AIDA: variants seen among roughly 807,000 people sequenced by gnomAD.
AIDA encodes axin interactor, dorsalization associated.
A neutral mutation model predicts 42.7 loss-of-function variants in AIDA; 18 were observed. The observed-to-expected ratio is 0.42, with a 90% confidence interval of 0.29 to 0.63. The LOEUF (loss-of-function observed/expected upper bound fraction) is 0.63. AIDA is among the 20% of genes least tolerant of loss of function. The probability of loss-of-function intolerance (pLI) is 0.19; values close to 1 mark genes in which losing one functional copy is unlikely to be tolerated. For synonymous variants in AIDA, 104 were observed against 122.9 expected (o/e 0.85, Z 1.02); for missense variants, 250 against 354.1 (o/e 0.71, Z 2.36).
Position 222,668,477 on chromosome 1 carries a change from GAATT to G in AIDA, c.*1412_*1415del, listed in dbSNP as rs1418191000. On this transcript the variant is annotated 3_prime_UTR_variant, in exon 10 of 10. Transcript: ENST00000340020. ...GAGAGACAAGACTAAATTTGGCTGAGAATTCATTCAGGCTCGCATAGTTTTTATT... is the reference window on the plus strand; with the variant it reads ...GAGAGACAAGACTAAATTTGGCTGAGCATTCAGGCTCGCATAGTTTTTATT... 1 of 62,872 alleles carries G rather than the reference GAATT, an allele frequency of 1.6e-5. No homozygotes were observed. 3.9% of individuals were successfully genotyped at this position (62,872 alleles called of 1,614,324 possible). A position where few individuals can be genotyped will look rare whatever the true frequency, so the allele number is the denominator to read the frequency against.
At chr1:222,702,753 G>A (rs1390339003) in intron 2 of AIDA, among the ~76,000 whole-genome samples, 2 of 152,226 alleles carry the variant, frequency 1.3e-5, no homozygotes, top group African/African-American at 4.8e-5. Context: ...AATCAAGTAA[G>A]TGCTGGGGTG....
intron 2 of AIDA, among the ~76,000 whole-genome samples, chr1:222,699,617 C>T (rs940210807): frequency 6.6e-6 from 1 of 152,018 alleles, no homozygotes; most frequent in Admixed American, 6.6e-5. Context: ...ACCAATGTTC[C>T]CCAGAATACA....
chr1:222,680,908 G>A (rs1312072472), intron 6 of AIDA, among the ~76,000 whole-genome samples: 3 of 151,662 alleles, frequency 2.0e-5, no homozygotes, highest in African/African-American at 7.3e-5. Flanking sequence ...ATTACAAGAC[G>A]TTTTTAGCAC....
intron 7 of AIDA, among the ~76,000 whole-genome samples, chr1:222,674,219 G>GAGTT (rs1293120764): frequency 3.3e-5 from 5 of 152,166 alleles, no homozygotes; most frequent in African/African-American, 1.2e-4. Flanking sequence ...GGTACCTGAA[G>GAGTT]AGTTGCAGGT....
chr1:222,673,125 T>C (rs1180732272), intron 8 of AIDA, among the ~76,000 whole-genome samples, 188 bp downstream of exon 8: 3 of 152,238 alleles, frequency 2.0e-5, no homozygotes, highest in Non-Finnish European at 2.9e-5. Context: ...ACAGTGCTAT[T>C]AGACAAGTAG....
At chr1:222,695,299 C>T (rs1159005411) in intron 2 of AIDA, among the ~76,000 whole-genome samples, 1 of 152,198 alleles carries the variant, frequency 6.6e-6, no homozygotes, top group Non-Finnish European at 1.5e-5. Context: ...CAAGACCAGC[C>T]TGGCCAACAT....
chr1:222,702,962 A>G (rs559939302), intron 2 of AIDA, among the ~76,000 whole-genome samples, 186 bp downstream of exon 2: 2 of 152,384 alleles, frequency 1.3e-5, no homozygotes, highest in East Asian at 1.9e-4. Flanking sequence ...CTTTAAATTG[A>G]TAAGTCATAT....
intron 1 of AIDA, among the ~76,000 whole-genome samples, chr1:222,709,573 G>A (rs1170292868): frequency 2.6e-5 from 4 of 152,236 alleles, no homozygotes; most frequent in Non-Finnish European, 5.9e-5. Context: ...AAGAGACTTT[G>A]CAATTTTAAA....
At chr1:222,676,452 C>G (rs960650131) in intron 6 of AIDA, among the ~76,000 whole-genome samples, 10 of 152,144 alleles carry the variant, frequency 6.6e-5, no homozygotes, top group Non-Finnish European at 1.3e-4. Context: ...TTATTCAAGT[C>G]TGGCAGAAAT....
chr1:222,684,181 T>C (rs1194795576), intron 6 of AIDA, among the ~76,000 whole-genome samples: 1 of 151,988 alleles, frequency 6.6e-6, no homozygotes, highest in Non-Finnish European at 1.5e-5. Flanking sequence ...GGCACAACCT[T>C]AGCTCACGGC....
At chr1:222,676,333 AT>A in intron 6 of AIDA, 115 bp from the exon 7 acceptor site, 2 of 1,284,610 alleles carry the variant, frequency 1.6e-6, no homozygotes, top group South Asian at 1.9e-5. Context: ...GCCAGGCATT[AT>A]TTTGGTTCCC....
intron 1 of AIDA, 96 bp downstream of exon 1, chr1:222,712,112 T>G: frequency 6.5e-7 from 1 of 1,531,974 alleles, no homozygotes; most frequent in Non-Finnish European, 8.8e-7. Flanking sequence ...CTGAGAAGCC[T>G]TGGCTGCAGA....
chr1:222,693,632 C>T (rs1302760296), intron 4 of AIDA, among the ~76,000 whole-genome samples, 157 bp downstream of exon 4: 2 of 152,028 alleles, frequency 1.3e-5, no homozygotes, highest in Non-Finnish European at 2.9e-5. Flanking sequence ...ATAATTACTA[C>T]AAATGTTACA....
intron 2 of AIDA, among the ~76,000 whole-genome samples, chr1:222,698,277 T>G (rs908591355): frequency 6.6e-6 from 1 of 152,216 alleles, no homozygotes; most frequent in African/African-American, 2.4e-5. Context: ...TAGAGATCAG[T>G]AGTTCTGCTT....
At chr1:222,684,368 T>TC (rs1255020358) in intron 6 of AIDA, among the ~76,000 whole-genome samples, 1 of 152,148 alleles carries the variant, frequency 6.6e-6, no homozygotes, top group East Asian at 1.9e-4. Context: ...TGCCTCGGCC[T>TC]CCCAAAGTCT....
At chr1:222,700,232 C>G (rs891812958) in intron 2 of AIDA, among the ~76,000 whole-genome samples, 2 of 152,124 alleles carry the variant, frequency 1.3e-5, no homozygotes, top group Non-Finnish European at 2.9e-5. Flanking sequence ...ATAATAAATG[C>G]CTCAGAAATC....
chr1:222,681,981 C>T (rs1484559164), intron 6 of AIDA, among the ~76,000 whole-genome samples: 1 of 152,184 alleles, frequency 6.6e-6, no homozygotes, highest in Non-Finnish European at 1.5e-5. Flanking sequence ...GATCTTCTCA[C>T]ATTGACTAGT....
intron 2 of AIDA, 138 bp downstream of exon 2, chr1:222,703,010 T>G: frequency 1.6e-6 from 1 of 611,098 alleles, no homozygotes. Flanking sequence ...AGGCAAAGCA[T>G]AATCAATATC....
rs1571922619 is a variant in AIDA, at chr1:222,673,211, C to A, written c.706+102G>T. 10 of 1,084,042 alleles carry A rather than the reference C, an allele frequency of 9.2e-6. No individual in the cohort carries two copies. In the East Asian group the frequency reaches 2.6e-4, roughly 28 times the overall value. The allele number at this position is 1,084,042 out of a possible 1,614,324, so 67.2% of individuals were successfully genotyped here. ...ATCAATAAACACTATGTTACATTTA[C>A]TTCTGCCAGATACTAACTATGCTAG... On this transcript the variant is annotated intron_variant, in intron 8 of 9. Transcript: ENST00000340020.
Sources: gnomAD v4.1 joint callset for allele counts (sites outside exome capture counted in the v4.1 genomes callset) on GRCh38, gnomAD v4.1.1 for gene constraint, MANE v1.5 for transcripts, NCBI Gene and HGNC (gene_info 2026-07-23, HGNC 2026-07-21) for gene names.